Variants in ISM2 observed in about 807,000 individuals in gnomAD.
The protein encoded by ISM2 is isthmin 2.
In ISM2, 50 loss-of-function variants were observed where a neutral mutation model predicts 58.0. The ratio of observed to expected loss-of-function variants is 0.86; its 90% confidence interval spans 0.69 to 1.09. The LOEUF is 1.09. ISM2 is among the 50% of genes least tolerant of loss of function. ISM2 has a pLI of 0.00. For synonymous variants in ISM2, 303 were observed against 312.4 expected (o/e 0.97, Z 0.32); for missense variants, 723 against 745.0 (o/e 0.97, Z 0.34).
At chr14:77,498,329 C>A in intron 1 of ISM2, 1 of 1,395,234 alleles carries the variant, frequency 7.2e-7, no homozygotes, top group Non-Finnish European at 9.5e-7. Flanking sequence ...GGAAAGGGGG[C>A]TGCAGGCGAG....
chr14:77,488,627 C>T (rs1377485538), intron 1 of ISM2, among the ~76,000 whole-genome samples: 1 of 152,212 alleles, frequency 6.6e-6, no homozygotes, highest in Non-Finnish European at 1.5e-5. Flanking sequence ...TAGGGAAACA[C>T]CAGCGCCTGT....
chr14:77,490,992 T>C (rs892436670), intron 1 of ISM2, among the ~76,000 whole-genome samples: 2 of 152,222 alleles, frequency 1.3e-5, no homozygotes, highest in South Asian at 4.1e-4. Flanking sequence ...AGTTCTCCCC[T>C]GGCACTCACT....
intron 6 of ISM2, among the ~76,000 whole-genome samples, chr14:77,476,542 G>A (rs765786243): frequency 2.6e-4 from 40 of 152,158 alleles, no homozygotes; most frequent in Non-Finnish European, 4.3e-4. Flanking sequence ...TGTTCTGAAC[G>A]CTGCCTTTCT....
intron 1 of ISM2, among the ~76,000 whole-genome samples, chr14:77,490,153 A>G (rs1376518463): frequency 2.7e-5 from 4 of 147,932 alleles, no homozygotes; most frequent in Admixed American, 6.7e-5. Flanking sequence ...GTGAGCCACC[A>G]CGCCCGGCTA....
At chr14:77,482,744 C>G (rs968057555) in intron 3 of ISM2, 77 bp from the exon 4 acceptor site, 5 of 943,258 alleles carry the variant, frequency 5.3e-6, no homozygotes, top group African/African-American at 1.6e-5. Context: ...ATGATGGGGT[C>G]AGGGTCAGAG....
At chr14:77,498,173 G>A in intron 1 of ISM2, 3 of 1,108,792 alleles carry the variant, frequency 2.7e-6, no homozygotes, top group Non-Finnish European at 3.5e-6. Context: ...ACCCCTGCCG[G>A]CGGCTGGAGA....
chr14:77,496,439 G>C (rs1299181155), intron 1 of ISM2, among the ~76,000 whole-genome samples: 10 of 151,210 alleles, frequency 6.6e-5, no homozygotes, highest in African/African-American at 2.2e-4. Flanking sequence ...GGTGAGCCAA[G>C]ATCACGCCAT....
rs780154874 is a variant in ISM2 at position 77,484,761 on chromosome 14, T to G, written c.300A>C (p.Pro100=). 6.2e-7 allele frequency: 1 copy of G among 1,607,916 alleles called. No homozygotes were observed. The highest frequency in any genetic ancestry group is 2.2e-5 in the East Asian group (1 of 44,552). ...TPGNATPPRT[P]EVTPLRLELQ... ...GCTCCAGCCGCAACGGAGTAACCTC[T>G]GGGGTCCTGGGAGGGGTGGCGTTGC... Residue 100 remains proline, a synonymous_variant, in exon 2 of 7, where the codon CCA becomes CCC. Coordinates refer to ENST00000342219, the MANE Select transcript of ISM2 (RefSeq NM_199296.3).
intron 1 of ISM2, among the ~76,000 whole-genome samples, chr14:77,488,186 G>T (rs1256025405): frequency 2.6e-5 from 4 of 152,220 alleles, no homozygotes; most frequent in African/African-American, 9.7e-5. Context: ...TGAGCACAGT[G>T]CCTGATACAT....
chr14:77,495,678 G>C (rs1309435762), intron 1 of ISM2, among the ~76,000 whole-genome samples: 1 of 152,108 alleles, frequency 6.6e-6, no homozygotes, highest in Non-Finnish European at 1.5e-5. Context: ...CGCCTAGTGG[G>C]TAGAGGCCAG....
At chr14:77,478,744 G>A (rs201071998) in intron 4 of ISM2, 29 bp from the exon 5 acceptor site, 15 of 1,597,424 alleles carry the variant, frequency 9.4e-6, no homozygotes, top group African/African-American at 8.0e-5. Flanking sequence ...TTGGGGGTGA[G>A]TGCATATAGC....
At chr14:77,489,704 A>G (rs2079189331) in intron 1 of ISM2, among the ~76,000 whole-genome samples, 1 of 152,096 alleles carries the variant, frequency 6.6e-6, no homozygotes, top group African/African-American at 2.4e-5. Flanking sequence ...GGAGGCTGCA[A>G]AGCTCCTCAC....
At chr14:77,492,518 T>C (rs930448169) in intron 1 of ISM2, among the ~76,000 whole-genome samples, 3 of 4,572 alleles carry the variant, frequency 6.6e-4, no homozygotes, top group Non-Finnish European at 2.5e-3. Flanking sequence ...GCCCCAGCCT[T>C]TTTTTTTTTT....
intron 1 of ISM2, among the ~76,000 whole-genome samples, chr14:77,497,769 G>GGGAGGGAGGGAAGGAA (rs1566760604): frequency 1.2e-5 from 1 of 86,218 alleles, no homozygotes; most frequent in African/African-American, 6.2e-5. Context: ...GAGGGAGGGA[G>GGGAGGGAGGGAAGGAA]GGAAGGAAGG....
intron 1 of ISM2, among the ~76,000 whole-genome samples, chr14:77,485,678 T>C (rs1381525156): frequency 6.6e-6 from 1 of 152,258 alleles, no homozygotes; most frequent in Admixed American, 6.5e-5. Flanking sequence ...CTCCAGGCTA[T>C]AGCCACTGCC....
chr14:77,489,452 T>C (rs1329569044), intron 1 of ISM2, among the ~76,000 whole-genome samples: 1 of 152,148 alleles, frequency 6.6e-6, no homozygotes, highest in Non-Finnish European at 1.5e-5. Context: ...CTGCCTACAA[T>C]AGCAATTGAC....
In ISM2 at chr14:77,484,437, G is replaced by T. The variant is rs758752822; in HGVS notation, c.513C>A (p.Thr171=). 6.2e-7 allele frequency: 1 copy of T among 1,612,768 alleles called. No individual in the cohort carries two copies. Among genetic ancestry groups the T allele is most frequent in the African/African-American group, 1.3e-5 (1 of 74,662 alleles). ...CWTVTEPAAL[T]PGNATPPRTQ... ...TCCTGGGAGGCGTGGCATTCCCTGG[G>T]GTCAGGGCTGCTGGCTCAGTGACAG... is the stretch of plus-strand genomic sequence containing the variant. Residue 171 remains threonine (T), a synonymous_variant, in exon 3 of 7, where the codon ACC becomes ACA. Coordinates refer to ENST00000342219, the MANE Select transcript of ISM2 (RefSeq NM_199296.3).
intron 4 of ISM2, among the ~76,000 whole-genome samples, chr14:77,479,516 T>C (rs2079119498): frequency 3.9e-5 from 6 of 152,100 alleles, no homozygotes; most frequent in Admixed American, 3.9e-4. Context: ...CCTGGGTAGC[T>C]GGGATTACAG....
chr14:77,484,484 G>T lies in ISM2; in HGVS notation c.466C>A (p.Leu156Ile). 1 of 1,609,356 alleles carries T rather than the reference G, an allele frequency of 6.2e-7. No homozygotes were observed. Among genetic ancestry groups the T allele is most frequent in the Non-Finnish European group, 8.5e-7 (1 of 1,177,588 alleles). ...LLPRTHLQAELHQHGCWTVTE... is the reference protein window; with the variant it reads ...LLPRTHLQAEIHQHGCWTVTE... ...ACAGTCCAACATCCATGTTGGTGTAGCTCTGCCTGCAGGTGGGTTCTGGGG... is the reference window on the plus strand; with the variant it reads ...ACAGTCCAACATCCATGTTGGTGTATCTCTGCCTGCAGGTGGGTTCTGGGG... The change falls in exon 3 of 7, where the codon CTA becomes ATA. Residue 156 changes from leucine to isoleucine, a missense_variant. Physicochemically the swap from Leu to Ile is conservative, Grantham distance 5. Transcript: ENST00000342219.
Sources: allele counts gnomAD v4.1 joint callset (sites outside exome capture counted in the v4.1 genomes callset), GRCh38; gene constraint gnomAD v4.1.1; transcripts MANE v1.5; gene names NCBI Gene and HGNC (gene_info 2026-07-23, HGNC 2026-07-21).